MMP26: variants seen among roughly 807,000 people sequenced by gnomAD.
MMP26 encodes matrix metalloproteinase-26.
A neutral mutation model predicts 31.0 loss-of-function variants in MMP26; 33 were observed. That is an observed-to-expected ratio of 1.06 (90% CI 0.81 to 1.42). The LOEUF (loss-of-function observed/expected upper bound fraction) is 1.42. Ranked by LOEUF, MMP26 falls within the 40% of genes most tolerant of loss-of-function variation. The pLI, the probability that MMP26 is intolerant of heterozygous loss-of-function variation, is 0.00. For missense variants in MMP26, 347 were observed against 316.1 expected, an observed-to-expected ratio of 1.10 and a Z score of -0.74; for synonymous variants, 122 against 114.9, an observed-to-expected ratio of 1.06 and a Z score of -0.40.
At chr11:4,773,566 C>T (rs1848753328) in intron 2 of MMP26, among the ~76,000 whole-genome samples, 1 of 149,840 alleles carries the variant, frequency 6.7e-6, no homozygotes, top group African/African-American at 2.5e-5. Context: ...TCCTGACTTA[C>T]AGGAATTCAG....
intron 6 of MMP26, 78 bp downstream of exon 6, chr11:4,991,574 T>C: frequency 6.4e-7 from 1 of 1,555,162 alleles, no homozygotes; most frequent in Non-Finnish European, 8.7e-7. Flanking sequence ...CATTTAGGGA[T>C]CCAGAGTGGT....
At chr11:4,987,357 A>G (rs1457842879) in intron 2 of MMP26, among the ~76,000 whole-genome samples, 1 of 151,754 alleles carries the variant, frequency 6.6e-6, no homozygotes, top group Non-Finnish European at 1.5e-5. Flanking sequence ...GTGTTTTTCT[A>G]GATCTCTTTT....
chr11:4,887,550 G>A (rs1043413426), intron 2 of MMP26, among the ~76,000 whole-genome samples: 3 of 152,072 alleles, frequency 2.0e-5, no homozygotes, highest in Admixed American at 6.6e-5. Flanking sequence ...CTGTTTTTCA[G>A]GACAGCTTCT....
At chr11:4,817,507 G>A (rs1032565343) in intron 2 of MMP26, among the ~76,000 whole-genome samples, 2 of 152,088 alleles carry the variant, frequency 1.3e-5, no homozygotes, top group East Asian at 1.9e-4. Context: ...GGATTGCTTG[G>A]GCCTGGGAGG....
At chr11:4,852,754 G>A (rs1000522639) in intron 2 of MMP26, among the ~76,000 whole-genome samples, 4 of 152,090 alleles carry the variant, frequency 2.6e-5, no homozygotes, top group African/African-American at 9.7e-5. Context: ...ATCTCAAAGA[G>A]ATATCTTCAC....
At chr11:4,945,280 C>G (rs568654584) in intron 2 of MMP26, 1 of 152,186 alleles carries the variant, frequency 6.6e-6, no homozygotes, top group South Asian at 2.1e-4. Flanking sequence ...AAATTGGAGT[C>G]AAGAGCATTT....
intron 2 of MMP26, among the ~76,000 whole-genome samples, chr11:4,810,556 G>C (rs1466404983): frequency 6.6e-6 from 1 of 152,228 alleles, no homozygotes; most frequent in African/African-American, 2.4e-5. Context: ...TTTGCACATA[G>C]AGTGTGTACA....
At chr11:4,893,012 A>T (rs886124978) in intron 2 of MMP26, among the ~76,000 whole-genome samples, 4 of 151,984 alleles carry the variant, frequency 2.6e-5, no homozygotes, top group African/African-American at 9.7e-5. Flanking sequence ...AGATTTTGAA[A>T]TTCTGCTTGA....
intron 1 of MMP26, among the ~76,000 whole-genome samples, chr11:4,757,564 TA>T (rs1158671064): frequency 2.0e-5 from 3 of 147,176 alleles, no homozygotes; most frequent in South Asian, 4.2e-4. Flanking sequence ...AATATTTGCA[TA>T]AAAAACTCAT....
rs567304057 is a variant in MMP26, at chr11:4,953,923, G to A, written c.-144-34145G>A. Among the ~76,000 whole-genome samples, 10 of 125,108 alleles carry A rather than the reference G, an allele frequency of 8.0e-5. 3 individuals carry two copies. Among genetic ancestry groups the A allele is most frequent in the Admixed American group, 2.7e-4 (3 of 11,318 alleles). 82.1% of individuals were successfully genotyped at this position (125,108 alleles called of 152,430 possible). A position where few individuals can be genotyped will look rare whatever the true frequency, so the allele number is the denominator to read the frequency against. On this transcript the variant is annotated intron_variant, in intron 2 of 7. Coordinates refer to ENST00000380390, the MANE Select transcript of MMP26 (RefSeq NM_021801.5). ...AAAAATCAGCCAGGCGTGGTGACAT[G>A]CGCCTGTAATCCTAGATACTCGGGA...
In MMP26 at chr11:4,955,390, T is replaced by C. The variant is rs1405406169; in HGVS notation, c.-144-32678T>C. The stretch of plus-strand genomic sequence containing the variant: ...GGACTGAGGACTCCAGTACTGAGAA[T>C]CCATGAATGAAGAATTCCTGGGCAA... On this transcript the variant is annotated intron_variant, in intron 2 of 7. Transcript: ENST00000380390. The C allele has an allele frequency of 5.0e-6, 6 of 1,204,244 alleles. 1 individual carries two copies. In the South Asian group the frequency reaches 7.6e-5, roughly 15 times the overall value. The allele number at this position is 1,204,244 out of a possible 1,614,324, so 74.6% of individuals were successfully genotyped here. A position where few individuals can be genotyped will look rare whatever the true frequency, so the allele number is the denominator to read the frequency against.
intron 2 of MMP26, among the ~76,000 whole-genome samples, chr11:4,938,787 G>A (rs570651057): frequency 6.6e-6 from 1 of 152,186 alleles, no homozygotes; most frequent in East Asian, 1.9e-4. Flanking sequence ...TGTATAGGAT[G>A]AACATTTGAA....
At chr11:4,706,454 T>C (rs1847778461) in intron 1 of MMP26, among the ~76,000 whole-genome samples, 1 of 151,590 alleles carries the variant, frequency 6.6e-6, no homozygotes, top group Non-Finnish European at 1.5e-5. Flanking sequence ...CTCAGCTACT[T>C]TACAGGTTCT....
intron 2 of MMP26, among the ~76,000 whole-genome samples, chr11:4,959,042 T>C (rs1846483154): frequency 6.6e-6 from 1 of 151,912 alleles, no homozygotes; most frequent in South Asian, 2.1e-4. Flanking sequence ...ATCGAGACCA[T>C]CCTGGCTAAC....
intron 2 of MMP26, chr11:4,882,371 T>C: frequency 1.2e-6 from 2 of 1,614,004 alleles, no homozygotes; most frequent in Non-Finnish European, 1.7e-6. Flanking sequence ...AGCAGTTTTC[T>C]TACTTCCCCT....
At chr11:4,916,699 G>A in intron 2 of MMP26, among the ~76,000 whole-genome samples, 1 of 152,114 alleles carries the variant, frequency 6.6e-6, no homozygotes, top group East Asian at 1.9e-4. Context: ...GAGAAAGGTG[G>A]AGAGTATGTG....
chr11:4,882,946 TC>T, intron 2 of MMP26: 1 of 1,332,816 alleles, frequency 7.5e-7, no homozygotes, highest in Non-Finnish European at 1.0e-6. Flanking sequence ...GGCAGTCTTA[TC>T]CACAGGTGTT....
intron 2 of MMP26, chr11:4,882,355 T>C: frequency 6.2e-7 from 1 of 1,613,956 alleles, no homozygotes; most frequent in Non-Finnish European, 8.5e-7. Flanking sequence ...TCATCTGCAT[T>C]AGACCAGCAG....
chr11:4,790,423 A>T (rs555392205), intron 2 of MMP26, among the ~76,000 whole-genome samples: 4 of 152,296 alleles, frequency 2.6e-5, no homozygotes, highest in African/African-American at 9.6e-5. Flanking sequence ...CAGCATATTT[A>T]TGATGTTGCT....
Sources: gnomAD v4.1 joint callset for allele counts (sites outside exome capture counted in the v4.1 genomes callset) on GRCh38, gnomAD v4.1.1 for gene constraint, MANE v1.5 for transcripts, NCBI Gene and HGNC (gene_info 2026-07-23, HGNC 2026-07-21) for gene names.